CLSTN2: variants seen among roughly 807,000 people sequenced by gnomAD.
The protein encoded by CLSTN2 is calsyntenin-2.
In CLSTN2, 48 loss-of-function variants were observed where a neutral mutation model predicts 101.2. The ratio of observed to expected loss-of-function variants is 0.47; its 90% confidence interval spans 0.38 to 0.60. The LOEUF (loss-of-function observed/expected upper bound fraction) is 0.60. CLSTN2 is among the 20% of genes least tolerant of loss of function. CLSTN2 has a pLI of 0.00. For missense variants in CLSTN2, 1,160 were observed against 1,238.2 expected, an observed-to-expected ratio of 0.94 and a Z score of 0.95; for synonymous variants, 481 against 463.6, an observed-to-expected ratio of 1.04 and a Z score of -0.48.
intron 2 of CLSTN2, among the ~76,000 whole-genome samples, chr3:140,349,240 A>G (rs2087581994): frequency 6.6e-6 from 1 of 152,190 alleles, no homozygotes; most frequent in South Asian, 2.1e-4. Context: ...CAGAACTGTG[A>G]GTCAATGAAA....
At chr3:140,057,687 C>T (rs1254280600) in intron 1 of CLSTN2, among the ~76,000 whole-genome samples, 3 of 152,124 alleles carry the variant, frequency 2.0e-5, no homozygotes, top group African/African-American at 7.2e-5. Flanking sequence ...GAGACAAGAT[C>T]AGAGCACATG....
intron 2 of CLSTN2, among the ~76,000 whole-genome samples, chr3:140,403,013 TC>T (rs2088260914): frequency 6.6e-6 from 1 of 152,218 alleles, no homozygotes; most frequent in Non-Finnish European, 1.5e-5. Context: ...CAGTTGGGGT[TC>T]AATAAATAAA....
At chr3:140,403,479 A>G in intron 2 of CLSTN2, 150 bp from the exon 3 acceptor site, 1 of 688,766 alleles carries the variant, frequency 1.5e-6, no homozygotes, top group Non-Finnish European at 2.5e-6. Flanking sequence ...GCTCCCAGGC[A>G]ATGCTGATGC....
At chr3:140,177,809 G>T (rs2010347579) in intron 2 of CLSTN2, among the ~76,000 whole-genome samples, 1 of 152,042 alleles carries the variant, frequency 6.6e-6, no homozygotes, top group Non-Finnish European at 1.5e-5. Context: ...ACAACATTTA[G>T]AAATTGAGAG....
At chr3:140,438,431 T>TAAAAAAAA (rs60186664) in intron 5 of CLSTN2, among the ~76,000 whole-genome samples, 1,921 of 45,630 alleles carry the variant, frequency 0.042, 381 homozygotes, top group East Asian at 0.16. Context: ...GTCCTTTCAT[T>TAAAAAAAA]AAAAAAAAAA....
chr3:140,260,561 T>A (rs1472673090), intron 2 of CLSTN2, among the ~76,000 whole-genome samples: 1 of 151,218 alleles, frequency 6.6e-6, no homozygotes, highest in Non-Finnish European at 1.5e-5. Context: ...AATTTCAGAG[T>A]TATAGAAAAA....
intron 2 of CLSTN2, among the ~76,000 whole-genome samples, chr3:140,357,522 G>A (rs993615864): frequency 6.6e-6 from 1 of 151,322 alleles, no homozygotes; most frequent in African/African-American, 2.4e-5. Flanking sequence ...ACCCACAGAG[G>A]CCCTCTGGGA....
At chr3:140,031,517 G>A (rs941291492) in intron 1 of CLSTN2, among the ~76,000 whole-genome samples, 2 of 152,164 alleles carry the variant, frequency 1.3e-5, no homozygotes, top group Non-Finnish European at 2.9e-5. Context: ...CCAAATTCTC[G>A]CTGTTTTGCT....
intron 8 of CLSTN2, among the ~76,000 whole-genome samples, chr3:140,487,278 A>C (rs1264710915): frequency 1.3e-5 from 2 of 152,206 alleles, no homozygotes. Context: ...GCTTATATGC[A>C]CCAAGAGTCT....
At chr3:140,300,148 G>C (rs2087044509) in intron 2 of CLSTN2, among the ~76,000 whole-genome samples, 1 of 152,284 alleles carries the variant, frequency 6.6e-6, no homozygotes, top group Non-Finnish European at 1.5e-5. Flanking sequence ...TTATCTCTGG[G>C]AATAGGATGC....
intron 8 of CLSTN2, among the ~76,000 whole-genome samples, chr3:140,528,259 C>T (rs1935183295): frequency 2.0e-5 from 3 of 152,210 alleles, no homozygotes; most frequent in Middle Eastern, 3.4e-3. Flanking sequence ...GACTATCACC[C>T]GCTTCTCCCA....
chr3:140,532,512 C>T lies in CLSTN2; in HGVS notation c.1507+26C>T. 3.1e-6 allele frequency: 5 copies of T among 1,595,998 alleles called. No individual in the cohort carries two copies. In the Admixed American group the frequency reaches 6.8e-5, roughly 22 times the overall value. On this transcript the variant is annotated intron_variant, in intron 9 of 16. Coordinates refer to ENST00000458420, the MANE Select transcript of CLSTN2 (RefSeq NM_022131.3). ...GTAATCCTAAGTGAAACCCTTTTCTCTGACCTGTTTGTGAATAGTTCTTGG... is the reference window on the plus strand; with the variant it reads ...GTAATCCTAAGTGAAACCCTTTTCTTTGACCTGTTTGTGAATAGTTCTTGG...
intron 1 of CLSTN2, among the ~76,000 whole-genome samples, chr3:140,065,311 G>A (rs1473326230): frequency 6.6e-6 from 1 of 152,194 alleles, no homozygotes; most frequent in Non-Finnish European, 1.5e-5. Flanking sequence ...CTCAGGCCCT[G>A]CCTTCTGGGC....
At chr3:140,183,824 CATT>C (rs143777992) in intron 2 of CLSTN2, among the ~76,000 whole-genome samples, 2 of 152,118 alleles carry the variant, frequency 1.3e-5, no homozygotes, top group Admixed American at 1.3e-4. Flanking sequence ...CTGAAATAGG[CATT>C]ATTATTATTT....
chr3:140,419,214 G>T (rs1471811605), intron 4 of CLSTN2, among the ~76,000 whole-genome samples: 1 of 151,164 alleles, frequency 6.6e-6, no homozygotes, highest in African/African-American at 2.4e-5. Context: ...TGGGCATGTT[G>T]GCTCACACCT....
intron 1 of CLSTN2, among the ~76,000 whole-genome samples, chr3:139,985,192 C>T (rs1936001304): frequency 2.0e-5 from 3 of 152,188 alleles, no homozygotes; most frequent in Non-Finnish European, 4.4e-5. Context: ...GATTAGCTCA[C>T]ATTCCTGCTT....
intron 1 of CLSTN2, among the ~76,000 whole-genome samples, chr3:140,173,424 T>A (rs927918131): frequency 5.9e-5 from 9 of 152,218 alleles, no homozygotes; most frequent in African/African-American, 2.2e-4. Context: ...TGATGTTGAG[T>A]ACCTGCAGCT....
intron 1 of CLSTN2, among the ~76,000 whole-genome samples, chr3:140,085,589 A>G (rs971601454): frequency 3.9e-4 from 60 of 152,112 alleles, no homozygotes; most frequent in Admixed American, 3.3e-3. Flanking sequence ...AGCTGACACA[A>G]CTAGTTGTGT....
chr3:140,157,201 G>GTT (rs58387930), intron 1 of CLSTN2, among the ~76,000 whole-genome samples: 8,948 of 149,864 alleles, frequency 0.06, 686 homozygotes, highest in African/African-American at 0.18. Flanking sequence ...TGGCCTAAAG[G>GTT]TTTTTTTTTT....
Sources: gnomAD v4.1 joint callset for allele counts (sites outside exome capture counted in the v4.1 genomes callset) on GRCh38, gnomAD v4.1.1 for gene constraint, MANE v1.5 for transcripts, NCBI Gene and HGNC (gene_info 2026-07-23, HGNC 2026-07-21) for gene names.